TRDN: variants seen among roughly 807,000 people sequenced by gnomAD.
TRDN encodes triadin.
In TRDN, 161 loss-of-function variants were observed where a neutral mutation model predicts 149.7. The observed-to-expected ratio is 1.08, with a 90% CI of 0.95 to 1.23. TRDN has a LOEUF of 1.23. Among genes scored for constraint, TRDN ranks in the 50% most tolerant of loss-of-function variants. The pLI is 0.00. For synonymous variants in TRDN, 294 were observed against 250.5 expected, an observed-to-expected ratio of 1.17 and a Z score of -1.64; for missense variants, 896 against 823.5, an observed-to-expected ratio of 1.09 and a Z score of -1.08.
At chr6:123,319,153 T>C (rs1167678756) in intron 23 of TRDN, among the ~76,000 whole-genome samples, 3 of 152,058 alleles carry the variant, frequency 2.0e-5, no homozygotes, top group Non-Finnish European at 4.4e-5. Context: ...GTGATGTATA[T>C]AAAGAGCTTA....
intron 9 of TRDN, among the ~76,000 whole-genome samples, chr6:123,483,982 A>G (rs1777878930): frequency 6.6e-6 from 1 of 152,206 alleles, no homozygotes; most frequent in African/African-American, 2.4e-5. Flanking sequence ...CTAAGCTAGA[A>G]TAAAAGTCAT....
intron 2 of TRDN, among the ~76,000 whole-genome samples, chr6:123,556,833 C>T (rs550109763): frequency 1.3e-5 from 2 of 152,160 alleles, no homozygotes; most frequent in East Asian, 3.9e-4. Flanking sequence ...ATCCAAATCC[C>T]AAAGCGATAG....
At chr6:123,272,152 T>C (rs1260249342) in intron 29 of TRDN, among the ~76,000 whole-genome samples, 1 of 151,950 alleles carries the variant, frequency 6.6e-6, no homozygotes, top group African/African-American at 2.4e-5. Context: ...CTAAAACCCA[T>C]TGTATACAGA....
At chr6:123,267,000 G>C (rs1050204012) in intron 32 of TRDN, among the ~76,000 whole-genome samples, 2 of 146,846 alleles carry the variant, frequency 1.4e-5, no homozygotes, top group African/African-American at 5.0e-5. Context: ...CCAGCTACTC[G>C]GGAGGCTGAG....
intron 21 of TRDN, among the ~76,000 whole-genome samples, chr6:123,342,781 G>A (rs997015410): frequency 6.6e-6 from 1 of 151,938 alleles, no homozygotes; most frequent in African/African-American, 2.4e-5. Flanking sequence ...ACCACAAATT[G>A]TTCCTAAAAG....
intron 23 of TRDN, among the ~76,000 whole-genome samples, chr6:123,330,262 T>G (rs896172522): frequency 2.0e-5 from 3 of 152,090 alleles, no homozygotes; most frequent in Non-Finnish European, 4.4e-5. Context: ...TAATGGTATC[T>G]AACCATTTCA....
intron 38 of TRDN, among the ~76,000 whole-genome samples, chr6:123,244,682 T>C (rs1264047273): frequency 1.3e-5 from 2 of 151,750 alleles, no homozygotes; most frequent in Admixed American, 1.3e-4. Context: ...CATGATATTA[T>C]CCAGGAGAAC....
At chr6:123,390,986 G>T (rs567448609) in intron 13 of TRDN, among the ~76,000 whole-genome samples, 1 of 151,948 alleles carries the variant, frequency 6.6e-6, no homozygotes, top group Non-Finnish European at 1.5e-5. Context: ...CTTTTAAGCC[G>T]AGTTCCATTA....
intron 30 of TRDN, 143 bp from the exon 31 acceptor site, chr6:123,270,009 T>A: frequency 1.6e-6 from 1 of 639,338 alleles, no homozygotes; most frequent in Non-Finnish European, 2.5e-6. Flanking sequence ...TGACCACTAA[T>A]ATTTTACTGT....
chr6:123,569,176 G>A, intron 2 of TRDN, among the ~76,000 whole-genome samples: 1 of 152,288 alleles, frequency 6.6e-6, no homozygotes, highest in East Asian at 1.9e-4. Context: ...GATCCCTAGG[G>A]CATGAAAAGA....
chr6:123,245,955 A>G (rs1457080264), intron 38 of TRDN, among the ~76,000 whole-genome samples: 1 of 152,182 alleles, frequency 6.6e-6, no homozygotes, highest in Non-Finnish European at 1.5e-5. Context: ...GCAAAACTAC[A>G]TGGAAACTGA....
chr6:123,598,867 G>T (rs568434725), intron 1 of TRDN, among the ~76,000 whole-genome samples: 1 of 152,078 alleles, frequency 6.6e-6, no homozygotes, highest in East Asian at 1.9e-4. Context: ...TTTTAAATTT[G>T]GTAGTAATAA....
At chr6:123,591,066 G>A (rs144113812) in intron 1 of TRDN, among the ~76,000 whole-genome samples, 158 of 152,060 alleles carry the variant, frequency 1.0e-3, no homozygotes, top group African/African-American at 3.4e-3. Context: ...ATATAAATTG[G>A]CACTTTCTTT....
intron 2 of TRDN, among the ~76,000 whole-genome samples, chr6:123,564,477 G>T (rs1392313450): frequency 6.6e-6 from 1 of 152,112 alleles, no homozygotes; most frequent in Non-Finnish European, 1.5e-5. Flanking sequence ...TTCCCTAAAT[G>T]ATTTTACTCT....
intron 31 of TRDN, among the ~76,000 whole-genome samples, chr6:123,268,981 G>A (rs2195729): frequency 0.84 from 127,457 of 151,808 alleles, 53,626 homozygotes; most frequent in East Asian, 0.88. Context: ...CCACTTATAT[G>A]TATTCCTAAG....
chr6:123,261,995 T>C (rs1334623783), intron 33 of TRDN, among the ~76,000 whole-genome samples: 1 of 151,954 alleles, frequency 6.6e-6, no homozygotes, highest in Non-Finnish European at 1.5e-5. Flanking sequence ...TATTAAAACA[T>C]ATAAATACAA....
At chr6:123,507,965 T>G in intron 7 of TRDN, among the ~76,000 whole-genome samples, 1 of 144,100 alleles carries the variant, frequency 6.9e-6, no homozygotes, top group South Asian at 2.3e-4. Context: ...CTGCTTAACT[T>G]TTTTCTCTGC....
At chr6:123,271,041 G>GTA in intron 30 of TRDN, 98 bp downstream of exon 30, 1 of 493,558 alleles carries the variant, frequency 2.0e-6, no homozygotes, top group Non-Finnish European at 3.4e-6. Context: ...GTGAAGGGCT[G>GTA]TGTGTGTGTG....
In TRDN at chr6:123,476,919, T is replaced by C. The variant is rs1024437243; in HGVS notation, c.854-11936A>G. ...TATACAAAAATCAATTCAAGATGGA[T>C]TAAAGACTTAAACGTTAGACCTAAA... is the stretch of plus-strand genomic sequence containing the variant. On this transcript the variant is annotated intron_variant, in intron 9 of 40. Coordinates refer to ENST00000334268, the MANE Select transcript of TRDN (RefSeq NM_006073.4). 4.0e-5 allele frequency among the ~76,000 whole-genome samples: 6 copies of C among 150,362 alleles called. No individual in the cohort carries two copies. In the East Asian group the frequency reaches 5.9e-4, roughly 15 times the overall value.
Sources: allele counts gnomAD v4.1 joint callset (sites outside exome capture counted in the v4.1 genomes callset), GRCh38; gene constraint gnomAD v4.1.1; transcripts MANE v1.5; gene names NCBI Gene and HGNC (gene_info 2026-07-23, HGNC 2026-07-21).